The following SGSH variants were observed in gnomAD, a reference collection of about 807,000 sequenced individuals.
The protein encoded by SGSH is N-sulfoglucosamine sulfohydrolase.
SGSH carries 48 observed loss-of-function variants against 51.0 expected under a neutral mutation model. The ratio of observed to expected loss-of-function variants is 0.94; its 90% CI spans 0.75 to 1.20. SGSH has a LOEUF of 1.20. Ranked by LOEUF, SGSH falls within the 50% of genes most tolerant of loss-of-function variation. SGSH has a pLI of 0.00. For synonymous variants in SGSH, 321 were observed against 313.4 expected (o/e 1.02, Z -0.26); for missense variants, 662 against 717.8 (o/e 0.92, Z 0.89).
downstream of SGSH, chr17:80,207,167 T>A: frequency 1.0e-6 from 1 of 974,708 alleles, no homozygotes; most frequent in Non-Finnish European, 1.6e-6. Flanking sequence ...GCCTCTGGAG[T>A]GTGCTCTGCG....
rs147061152 is a variant in SGSH, at chr17:80,212,123, C to T, written c.897G>A (p.Pro299=). 4.6e-5 allele frequency: 74 copies of T among 1,613,462 alleles called. No individual in the cohort carries two copies. Among genetic ancestry groups the T allele is most frequent in the East Asian group, 8.9e-5 (4 of 44,884 alleles). ...GTAEPLLVSS[P]EHPKRWGQVS... ...CTTGGCCCCAGCGTTTTGGGTGCTC[C>T]GGGGATGACACCAGTAAGGGTTCAG... is the stretch of plus-strand genomic sequence containing the variant. Residue 299 remains proline (P), a synonymous_variant, in exon 7 of 8, where the codon CCG becomes CCA. Coordinates refer to ENST00000326317, the MANE Select transcript of SGSH (RefSeq NM_000199.5). This position sits in a 1 kb window ranked among gnomAD's most constrained non-coding sequence, Gnocchi z 5.9.
At chr17:80,219,201 AAG>A (rs2042025727) in intron 1 of SGSH, among the ~76,000 whole-genome samples, 1 of 151,634 alleles carries the variant, frequency 6.6e-6, no homozygotes, top group Non-Finnish European at 1.5e-5. Flanking sequence ...AGAAAGGAAA[AAG>A]AAAGGAAAAG....
At chr17:80,208,421 C>G (rs2041475545), downstream of SGSH, 1 of 1,345,868 alleles carries the variant, frequency 7.4e-7, no homozygotes, top group Admixed American at 2.3e-5. Flanking sequence ...AGCCCAGGCC[C>G]TCTTGGCACA....
At chr17:80,216,342 A>C (rs2144772618) in intron 2 of SGSH, among the ~76,000 whole-genome samples, 1 of 151,230 alleles carries the variant, frequency 6.6e-6, no homozygotes, top group Admixed American at 6.6e-5. Context: ...AAAAAAAAGG[A>C]CTAGTCCTGT....
chr17:80,207,010 GCA>G (rs2041356196), downstream of SGSH: 1 of 1,613,740 alleles, frequency 6.2e-7, no homozygotes, highest in Non-Finnish European at 8.5e-7. Context: ...GACAGTGTCT[GCA>G]CCCTGCACAG....
At chr17:80,204,032 C>T (rs991117930), downstream of SGSH, 5 of 809,754 alleles carry the variant, frequency 6.2e-6, no homozygotes, top group Non-Finnish European at 9.7e-6. Context: ...CCCCTTCAAA[C>T]CAGGGCAGGG....
At chr17:80,211,906 G>A in intron 7 of SGSH, 165 bp downstream of exon 7, 1 of 677,296 alleles carries the variant, frequency 1.5e-6, no homozygotes, top group East Asian at 2.7e-5. Flanking sequence ...TCACCTCTCT[G>A]AGCCTCATTC....
At position 80,210,278 on chromosome 17, in the gene SGSH, G is replaced by A; in HGVS notation, c.*174C>T. 4.9e-6 allele frequency: 7 copies of A among 1,432,902 alleles called. No individual in the cohort carries two copies. Among genetic ancestry groups the A allele is most frequent in the Non-Finnish European group, 6.4e-6 (7 of 1,097,930 alleles). The allele number at this position is 1,432,902 out of a possible 1,614,324, so 88.8% of individuals were successfully genotyped here. ...GGCACATGCTCTGGTCACATGCTCTGGTCCCCCTCCAGGCAATGGCAAGAG... is the reference window on the plus strand; with the variant it reads ...GGCACATGCTCTGGTCACATGCTCTAGTCCCCCTCCAGGCAATGGCAAGAG... On this transcript the variant is annotated 3_prime_UTR_variant, in exon 8 of 8. Transcript: ENST00000326317.
chr17:80,208,502 G>A (rs928861696), downstream of SGSH: 13 of 625,932 alleles, frequency 2.1e-5, no homozygotes, highest in Middle Eastern at 4.2e-4. Context: ...CCCTCACCAC[G>A]TGCAGGTCAC....
At chr17:80,214,416 C>G (rs1360462346) in intron 4 of SGSH, 88 bp from the exon 5 acceptor site, 6 of 1,473,222 alleles carry the variant, frequency 4.1e-6, no homozygotes, top group African/African-American at 1.4e-5. Flanking sequence ...TCCTCTGTAT[C>G]TGGAAGTCAA....
downstream of SGSH, chr17:80,203,901 G>C (rs2041127637): frequency 6.3e-7 from 1 of 1,584,518 alleles, no homozygotes; most frequent in African/African-American, 1.3e-5. This position sits in a 1 kb window ranked among gnomAD's most constrained non-coding sequence, Gnocchi z 4.6. Context: ...GCTCCAGGGA[G>C]GGGCCTGGAC....
rs2041543576 is a variant in SGSH, at chr17:80,209,573, A to G, written c.*879T>C. 1 of 932,986 alleles carries G rather than the reference A, an allele frequency of 1.1e-6. No individual in the cohort carries two copies. Among genetic ancestry groups the G allele is most frequent in the East Asian group, 1.2e-4 (1 of 8,554 alleles). 57.8% of individuals were successfully genotyped at this position (932,986 alleles called of 1,614,324 possible). ...CAGAGGACGGGCATCGCCACCCAGC[A>G]ACGCCAGTGTCACCGAAGAATTAAC... On this transcript the variant is annotated 3_prime_UTR_variant, in exon 8 of 8. Transcript: ENST00000326317.
chr17:80,215,193 C>A, intron 2 of SGSH, 55 bp from the exon 3 acceptor site: 1 of 1,334,922 alleles, frequency 7.5e-7, no homozygotes. Flanking sequence ...AGCCCGCCTG[C>A]CGCACCTGTT....
intron 1 of SGSH, chr17:80,219,921 T>G: frequency 8.0e-5 from 25 of 313,630 alleles, no homozygotes; most frequent in Middle Eastern, 8.4e-4. Context: ...CCAAGAGGGA[T>G]TTGAGATCCG....
Position 80,210,481 on chromosome 17 carries a change from G to A in SGSH, c.1480C>T (p.Gln494Ter), listed in dbSNP as rs1336286303. 1 of 1,601,332 alleles carries A rather than the reference G, an allele frequency of 6.2e-7. No homozygotes were observed. Among genetic ancestry groups the A allele is most frequent in the Non-Finnish European group, 8.5e-7 (1 of 1,178,486 alleles). Residue 494 changes from glutamine to a stop codon, truncating the protein, a stop_gained, in exon 8 of 8, where the codon CAG becomes TAG. Transcript: ENST00000326317. LOFTEE classifies it high-confidence loss of function. ...AGCTCATTGTGGAGGGGCTGGCACT[G>A]GGGAGAGAGCTTCTCCTCCAGGACG... ...DGVLEEKLSP[Q>*]CQPLHNEL
At chr17:80,208,115 C>G (rs577995991), downstream of SGSH, 36 of 1,493,522 alleles carry the variant, frequency 2.4e-5, no homozygotes, top group South Asian at 2.5e-4. Context: ...TGAGCCCGCC[C>G]CCCCCAACTC....
At chr17:80,216,066 C>T (rs1177065129) in intron 2 of SGSH, among the ~76,000 whole-genome samples, 3 of 152,120 alleles carry the variant, frequency 2.0e-5, no homozygotes, top group Non-Finnish European at 4.4e-5. Flanking sequence ...CGGTGGCTCA[C>T]GCCTGTAATC....
downstream of SGSH, chr17:80,203,615 G>A (rs1042000838): frequency 2.0e-6 from 1 of 507,450 alleles, no homozygotes; most frequent in African/African-American, 2.0e-5. This position sits in a 1 kb window ranked among gnomAD's most constrained non-coding sequence, Gnocchi z 4.6. Context: ...GGTGGGCCGA[G>A]GCCCTGGAGT....
chr17:80,203,877 A>G (rs753774079), downstream of SGSH: 4 of 1,595,342 alleles, frequency 2.5e-6, no homozygotes, highest in South Asian at 2.3e-5. This position sits in a 1 kb window ranked among gnomAD's most constrained non-coding sequence, Gnocchi z 4.6. Flanking sequence ...GTGCACCGTG[A>G]CCCGCAAGGT....
Sources: allele counts gnomAD v4.1 joint callset (sites outside exome capture counted in the v4.1 genomes callset), GRCh38; gene constraint gnomAD v4.1.1; non-coding constraint Gnocchi (gnomAD v3.1); transcripts MANE v1.5; gene names NCBI Gene and HGNC (gene_info 2026-07-23, HGNC 2026-07-21).